The following RAB2A variants were observed in gnomAD, a reference collection of about 807,000 sequenced individuals.
The protein encoded by RAB2A is RAB2A, member RAS oncogene family.
In RAB2A, 7 loss-of-function variants were observed where a neutral mutation model predicts 32.5. The observed-to-expected ratio is 0.22, with a 90% CI of 0.12 to 0.40. RAB2A has a LOEUF of 0.40. Among genes scored for constraint, RAB2A ranks in the 10% least tolerant of loss-of-function variants. The probability of loss-of-function intolerance (pLI) is 1.00; values close to 1 mark genes in which losing one functional copy is unlikely to be tolerated. For synonymous variants in RAB2A, 79 were observed against 85.2 expected, an observed-to-expected ratio of 0.93 and a Z score of 0.40; for missense variants, 108 against 260.7, an observed-to-expected ratio of 0.41 and a Z score of 4.03.
intron 1 of RAB2A, among the ~76,000 whole-genome samples, chr8:60,527,903 A>G (rs894208087): frequency 1.3e-5 from 2 of 152,232 alleles, no homozygotes; most frequent in Admixed American, 6.5e-5. Context: ...CATTGAATCT[A>G]TGAGGAAGAC....
chr8:60,570,674 C>A (rs892015880), intron 2 of RAB2A, among the ~76,000 whole-genome samples: 1 of 152,158 alleles, frequency 6.6e-6, no homozygotes, highest in Non-Finnish European at 1.5e-5. Context: ...ACTCCTGGAT[C>A]TCTTTTCTCT....
chr8:60,526,710 C>T (rs1396222861), intron 1 of RAB2A, among the ~76,000 whole-genome samples: 1 of 152,152 alleles, frequency 6.6e-6, no homozygotes, highest in South Asian at 2.1e-4. Context: ...TGGTTCACGC[C>T]TGTAATCCTA....
At chr8:60,547,882 G>A (rs1255900998) in intron 1 of RAB2A, among the ~76,000 whole-genome samples, 3 of 122,552 alleles carry the variant, frequency 2.4e-5, no homozygotes, top group African/African-American at 6.6e-5. Context: ...GCGGGGGGCT[G>A]ACCCCCCTAC....
chr8:60,528,256 T>G (rs1298839927), intron 1 of RAB2A, among the ~76,000 whole-genome samples: 2 of 152,224 alleles, frequency 1.3e-5, no homozygotes, highest in Admixed American at 1.3e-4. Context: ...GGCAACCCAT[T>G]TGATCTTTCT....
chr8:60,530,049 C>A (rs939405700), intron 1 of RAB2A, among the ~76,000 whole-genome samples: 1 of 152,124 alleles, frequency 6.6e-6, no homozygotes, highest in African/African-American at 2.4e-5. Context: ...TGACTTGCAG[C>A]CTCTGCCTCC....
chr8:60,556,267 G>A (rs970534111), intron 1 of RAB2A, among the ~76,000 whole-genome samples: 2 of 152,158 alleles, frequency 1.3e-5, no homozygotes, highest in Non-Finnish European at 2.9e-5. Context: ...CAAAATTACA[G>A]CAGGAATAAG....
intron 2 of RAB2A, among the ~76,000 whole-genome samples, chr8:60,568,678 AC>A (rs1331391941): frequency 6.6e-6 from 1 of 152,198 alleles, no homozygotes. Context: ...TAGAAAGTGT[AC>A]CTATTCAGAG....
At chr8:60,579,252 AG>A (rs1366140920) in intron 3 of RAB2A, among the ~76,000 whole-genome samples, 3 of 152,238 alleles carry the variant, frequency 2.0e-5, no homozygotes, top group African/African-American at 7.2e-5. Context: ...CATGTTGGCC[AG>A]GCTGGTCTGG....
intron 6 of RAB2A, among the ~76,000 whole-genome samples, chr8:60,616,303 T>C (rs1421104635): frequency 1.3e-5 from 2 of 152,234 alleles, no homozygotes; most frequent in Non-Finnish European, 2.9e-5. Context: ...AATTGACACA[T>C]TTAATAATAA....
chr8:60,604,581 A>G (rs1428027069), intron 6 of RAB2A, among the ~76,000 whole-genome samples: 1 of 152,146 alleles, frequency 6.6e-6, no homozygotes, highest in Non-Finnish European at 1.5e-5. Flanking sequence ...TGGAGATTAG[A>G]AAATTATTGG....
chr8:60,535,140 A>G (rs1807538795), intron 1 of RAB2A, among the ~76,000 whole-genome samples: 1 of 152,222 alleles, frequency 6.6e-6, no homozygotes, highest in Non-Finnish European at 1.5e-5. Flanking sequence ...TGTCTGTTTC[A>G]CAGTGCATTA....
At chr8:60,563,360 C>T (rs1808052629) in intron 2 of RAB2A, among the ~76,000 whole-genome samples, 2 of 152,158 alleles carry the variant, frequency 1.3e-5, no homozygotes, top group Non-Finnish European at 2.9e-5. Flanking sequence ...TGCTGTTGTG[C>T]TGGACCAGCA....
intron 1 of RAB2A, among the ~76,000 whole-genome samples, chr8:60,554,047 TCTTAGAGTAATAATTTTCAG>T (rs1439982596): frequency 1.3e-5 from 2 of 152,356 alleles, no homozygotes; most frequent in African/African-American, 4.8e-5. Flanking sequence ...AGTATTAATC[TCTTAGAGTAATAATTTTCAG>T]CTCAAAAAGA....
chr8:60,607,630 A>C (rs1385023897), intron 6 of RAB2A, among the ~76,000 whole-genome samples: 2 of 152,084 alleles, frequency 1.3e-5, no homozygotes, highest in Non-Finnish European at 2.9e-5. Flanking sequence ...ATGTACACTT[A>C]AGAATTCTGT....
intron 1 of RAB2A, among the ~76,000 whole-genome samples, chr8:60,543,807 A>G (rs1404159439): frequency 2.0e-5 from 3 of 152,190 alleles, no homozygotes; most frequent in Non-Finnish European, 2.9e-5. Flanking sequence ...CTGTAATCCC[A>G]GCACTTTGGG....
intron 5 of RAB2A, among the ~76,000 whole-genome samples, chr8:60,590,919 A>T (rs1212213351): frequency 7.2e-5 from 11 of 151,852 alleles, no homozygotes; most frequent in Admixed American, 7.2e-4. Context: ...GGTAGTGGTT[A>T]CCTTTAGGGT....
intron 3 of RAB2A, 75 bp downstream of exon 3, chr8:60,572,188 T>C: frequency 1.8e-6 from 2 of 1,092,646 alleles, no homozygotes; most frequent in Admixed American, 2.0e-5. Context: ...TTTGTTTTAA[T>C]GTTATTATAT....
chr8:60,581,471 A>G (rs1265462413), intron 3 of RAB2A, among the ~76,000 whole-genome samples: 8 of 152,194 alleles, frequency 5.3e-5, no homozygotes, highest in East Asian at 1.9e-4. Flanking sequence ...ATAGTGTACA[A>G]TTTAAAACTT....
intron 1 of RAB2A, among the ~76,000 whole-genome samples, chr8:60,533,926 A>G (rs756093659): frequency 1.2e-4 from 19 of 152,104 alleles, no homozygotes; most frequent in Non-Finnish European, 2.5e-4. Flanking sequence ...TCGCACCACT[A>G]TACTCCAGCC....
Sources: allele counts gnomAD v4.1 joint callset (sites outside exome capture counted in the v4.1 genomes callset), GRCh38; gene constraint gnomAD v4.1.1; transcripts MANE v1.5; gene names NCBI Gene and HGNC (gene_info 2026-07-23, HGNC 2026-07-21).